MLLT3: variants seen among roughly 807,000 people sequenced by gnomAD.
The protein encoded by MLLT3 is MLLT3 super elongation complex subunit.
Under a neutral mutation model 53.2 loss-of-function variants are expected in MLLT3, and 4 were observed. The ratio of observed to expected loss-of-function variants is 0.08; its 90% CI spans 0.04 to 0.17. The LOEUF is 0.17. Among genes scored for constraint, MLLT3 ranks in the 10% least tolerant of loss-of-function variants. MLLT3 has a pLI of 1.00. For synonymous variants in MLLT3, 283 were observed against 230.6 expected, an observed-to-expected ratio of 1.23 and a Z score of -2.06; for missense variants, 569 against 684.0, an observed-to-expected ratio of 0.83 and a Z score of 1.87.
chr9:20,484,565 C>A (rs1178386419), intron 2 of MLLT3, among the ~76,000 whole-genome samples: 1 of 152,034 alleles, frequency 6.6e-6, no homozygotes, highest in African/African-American at 2.4e-5. Context: ...TAAACTTAAC[C>A]CAAAAATTAC....
intron 2 of MLLT3, among the ~76,000 whole-genome samples, chr9:20,609,235 A>T (rs1587128799): frequency 6.6e-6 from 1 of 151,882 alleles, no homozygotes; most frequent in East Asian, 1.9e-4. Flanking sequence ...CTTTGACCTA[A>T]AAGTTATACA....
Position 20,619,051 on chromosome 9 carries a change from C to G in MLLT3, c.193+1603G>C, listed in dbSNP as rs551002548. Among the ~76,000 whole-genome samples, 161 of 152,274 alleles carry G rather than the reference C, an allele frequency of 1.1e-3. 2 individuals carry two copies. The highest frequency in any genetic ancestry group is 3.2e-3 in the African/African-American group (132 of 41,550). ...GGTTTCTTTTGTTTAAACTCCTCTGCTCTACAGACACATGGAAAGGGAGAG... is the reference window on the plus strand; with the variant it reads ...GGTTTCTTTTGTTTAAACTCCTCTGGTCTACAGACACATGGAAAGGGAGAG... On this transcript the variant is annotated intron_variant, in intron 2 of 10. Transcript: ENST00000380338.
chr9:20,490,191 T>G (rs1023996331), intron 2 of MLLT3, among the ~76,000 whole-genome samples: 2 of 152,230 alleles, frequency 1.3e-5, no homozygotes, highest in African/African-American at 4.8e-5. Flanking sequence ...TCTGGCTATT[T>G]AACCAAACAC....
At chr9:20,499,167 G>C (rs1825156404) in intron 2 of MLLT3, among the ~76,000 whole-genome samples, 1 of 152,106 alleles carries the variant, frequency 6.6e-6, no homozygotes, top group South Asian at 2.1e-4. Flanking sequence ...TTCATATAAA[G>C]TATCTCCTCA....
In MLLT3 at chr9:20,371,496, C is replaced by T. The variant is rs148968991; in HGVS notation, c.1126-5752G>A. Among the ~76,000 whole-genome samples the T allele has an allele frequency of 1.2e-3, 176 of 152,322 alleles. 3 individuals are homozygous for T. Among genetic ancestry groups the T allele is most frequent in the African/African-American group, 4.2e-3 (173 of 41,566 alleles). On this transcript the variant is annotated intron_variant, in intron 5 of 10. Coordinates refer to ENST00000380338, the MANE Select transcript of MLLT3 (RefSeq NM_004529.4). Reference sequence around the variant, plus strand: ...GCTCATTTAGTATTCTGAAAATATCCTAGGGCCCTTAAGAATTATGCTAAA... The same window carrying T: ...GCTCATTTAGTATTCTGAAAATATCTTAGGGCCCTTAAGAATTATGCTAAA...
rs544357101 is a variant in MLLT3 at position 20,404,382 on chromosome 9, A to G, written c.1125+9339T>C. Among the ~76,000 whole-genome samples the G allele has an allele frequency of 5.3e-5, 8 of 152,350 alleles. 1 individual carries two copies. Among genetic ancestry groups the G allele is most frequent in the African/African-American group, 1.9e-4 (8 of 41,578 alleles). The stretch of plus-strand genomic sequence containing the variant: ...TACCTAACAAAAGCTGTCTTCATCT[A>G]TGACATCATTAATATTTTGCTTGAA... On this transcript the variant is annotated intron_variant, in intron 5 of 10. Coordinates refer to ENST00000380338, the MANE Select transcript of MLLT3 (RefSeq NM_004529.4).
intron 2 of MLLT3, among the ~76,000 whole-genome samples, chr9:20,501,686 G>A (rs1825233150): frequency 6.7e-6 from 1 of 149,550 alleles, no homozygotes; most frequent in Non-Finnish European, 1.5e-5. Flanking sequence ...GGGAAGCGGA[G>A]CTTGCCGTGA....
chr9:20,569,646 G>C (rs1819477568), intron 2 of MLLT3, among the ~76,000 whole-genome samples: 1 of 152,084 alleles, frequency 6.6e-6, no homozygotes, highest in Non-Finnish European at 1.5e-5. Context: ...CAAGCACTAG[G>C]GAAAACTCAG....
intron 2 of MLLT3, among the ~76,000 whole-genome samples, chr9:20,508,019 G>GTA (rs1438845502): frequency 6.6e-6 from 1 of 152,122 alleles, no homozygotes; most frequent in Non-Finnish European, 1.5e-5. Context: ...ATATTCAAAT[G>GTA]TATATTCCCT....
At chr9:20,566,695 C>T (rs544478266) in intron 2 of MLLT3, among the ~76,000 whole-genome samples, 1 of 152,182 alleles carries the variant, frequency 6.6e-6, no homozygotes, top group South Asian at 2.1e-4. Context: ...ACGGTTAAAG[C>T]CACAGAGAAG....
At chr9:20,411,455 T>C (rs1822725722) in intron 5 of MLLT3, among the ~76,000 whole-genome samples, 1 of 152,190 alleles carries the variant, frequency 6.6e-6, no homozygotes, top group Non-Finnish European at 1.5e-5. Context: ...GCAACAACAA[T>C]AAAGCCATTA....
At chr9:20,351,970 T>G (rs748412643) in intron 10 of MLLT3, among the ~76,000 whole-genome samples, 1 of 152,236 alleles carries the variant, frequency 6.6e-6, no homozygotes. Flanking sequence ...TGAAATGCTG[T>G]GTGCCCTGGA....
chr9:20,589,369 G>A lies in MLLT3; in HGVS notation c.193+31285C>T, dbSNP rs1820064697. Among the ~76,000 whole-genome samples the A allele has an allele frequency of 2.7e-5, 4 of 147,254 alleles. No individual in the cohort carries two copies. In the South Asian group the frequency reaches 8.6e-4, roughly 32 times the overall value. ...AAACGCCACATATTCTCACTCATAG[G>A]TGGGAATTGAACAATGAGATCACAT... On this transcript the variant is annotated intron_variant, in intron 2 of 10. Coordinates refer to ENST00000380338, the MANE Select transcript of MLLT3 (RefSeq NM_004529.4).
At chr9:20,538,828 C>A (rs1282695844) in intron 2 of MLLT3, among the ~76,000 whole-genome samples, 1 of 152,174 alleles carries the variant, frequency 6.6e-6, no homozygotes, top group Non-Finnish European at 1.5e-5. Flanking sequence ...CACAACAAAG[C>A]AAATATCACA....
At chr9:20,489,382 T>C (rs575274762) in intron 2 of MLLT3, among the ~76,000 whole-genome samples, 3 of 152,300 alleles carry the variant, frequency 2.0e-5, no homozygotes, top group East Asian at 1.9e-4. Flanking sequence ...AAGATTTATA[T>C]TCTCTTTCTT....
chr9:20,589,713 AT>A (rs35077926), intron 2 of MLLT3, among the ~76,000 whole-genome samples: 277 of 139,016 alleles, frequency 2.0e-3, no homozygotes, highest in Middle Eastern at 3.8e-3. Context: ...TTAATCGGTG[AT>A]TTTTTTTTTT....
intron 2 of MLLT3, among the ~76,000 whole-genome samples, chr9:20,499,387 C>T (rs1406181108): frequency 1.3e-5 from 2 of 152,102 alleles, no homozygotes; most frequent in Admixed American, 1.3e-4. Context: ...GTAAATGATA[C>T]AGGGAGGCTA....
At chr9:20,577,305 C>T (rs1819679169) in intron 2 of MLLT3, among the ~76,000 whole-genome samples, 1 of 152,164 alleles carries the variant, frequency 6.6e-6, no homozygotes, top group African/African-American at 2.4e-5. Flanking sequence ...TAGACACTAA[C>T]CTGATATATT....
At position 20,622,408 on chromosome 9, in the gene MLLT3, G is replaced by GCGCTCGCTTGCTCGCT. The variant is rs988818864; in HGVS notation, c.-168_-153dup. ...GGACATTCTCTGCCTTTTTCCCCCC[G>GCGCTCGCTTGCTCGCT]CGCTCGCTTGCTCGCTCGCTCGCTT... is the stretch of plus-strand genomic sequence containing the variant. On this transcript the variant is annotated 5_prime_UTR_variant, in exon 1 of 11. Transcript: ENST00000380338. The GCGCTCGCTTGCTCGCT allele has an allele frequency of 2.9e-6, 2 of 687,240 alleles. No homozygotes were observed. The highest frequency in any genetic ancestry group is 2.1e-5 in the South Asian group (1 of 46,714). The allele number at this position is 687,240 out of a possible 1,614,324, so 42.6% of individuals were successfully genotyped here.
Sources: allele counts gnomAD v4.1 joint callset (sites outside exome capture counted in the v4.1 genomes callset), GRCh38; gene constraint gnomAD v4.1.1; transcripts MANE v1.5; gene names NCBI Gene and HGNC (gene_info 2026-07-23, HGNC 2026-07-21).